Variants in ZNF831 observed in about 807,000 individuals in gnomAD.
The protein encoded by ZNF831 is chromosome 20 open reading frame 174.
Under a neutral mutation model 95.8 loss-of-function variants are expected in ZNF831, and 59 were observed. That is an observed-to-expected ratio of 0.62 (90% CI 0.50 to 0.77). The LOEUF (loss-of-function observed/expected upper bound fraction) is 0.77. Ranked by LOEUF, ZNF831 falls within the 30% of genes least tolerant of loss-of-function variation. ZNF831 has a pLI of 0.00. For synonymous variants in ZNF831, 961 were observed against 925.5 expected (o/e 1.04, Z -0.70); for missense variants, 2,205 against 2,164.0 (o/e 1.02, Z -0.38).
chr20:59,248,055 C>T (rs1987706915), intron 4 of ZNF831, among the ~76,000 whole-genome samples: 1 of 152,232 alleles, frequency 6.6e-6, no homozygotes, highest in Non-Finnish European at 1.5e-5. Flanking sequence ...GCCTCTTCCT[C>T]TAAATGCAGT....
intron 1 of ZNF831, among the ~76,000 whole-genome samples, chr20:59,131,767 G>A (rs2093112372): frequency 6.6e-6 from 1 of 152,214 alleles, no homozygotes; most frequent in Admixed American, 6.5e-5. Context: ...GCATGGCAGG[G>A]ACCGCCTTGT....
At chr20:59,223,377 A>G (rs1986223931) in intron 4 of ZNF831, among the ~76,000 whole-genome samples, 1 of 152,204 alleles carries the variant, frequency 6.6e-6, no homozygotes, top group Non-Finnish European at 1.5e-5. Flanking sequence ...TCCAGCTTGC[A>G]GACACACTGG....
At position 59,192,487 on chromosome 20, in the gene ZNF831, A is replaced by T. The variant is rs750933267; in HGVS notation, c.1468A>T (p.Thr490Ser). ...GCCCCTCTTCTTCCACTCCGTCCCCACTCAGCTCTCCACCACCGTGGAATG... is the reference window on the plus strand; with the variant it reads ...GCCCCTCTTCTTCCACTCCGTCCCCTCTCAGCTCTCCACCACCGTGGAATG... ...SRPLFFHSVP[T>S]QLSTTVECVP... The change falls in exon 2 of 6, where the codon ACT becomes TCT. Residue 490 changes from threonine (T) to serine (S), a missense_variant. Coordinates refer to ENST00000371030, the MANE Select transcript of ZNF831 (RefSeq NM_178457.3). This position sits in a 1 kb window ranked among gnomAD's most constrained non-coding sequence, Gnocchi z 5.2. The T allele has an allele frequency of 6.4e-7, 1 of 1,573,346 alleles. No homozygotes were observed. Among genetic ancestry groups the T allele is most frequent in the Non-Finnish European group, 8.6e-7 (1 of 1,161,158 alleles).
intron 4 of ZNF831, among the ~76,000 whole-genome samples, chr20:59,243,905 A>G (rs1033508705): frequency 2.0e-5 from 3 of 152,198 alleles, no homozygotes; most frequent in East Asian, 3.8e-4. Flanking sequence ...TCCTGATTCA[A>G]TTTTGGCACT....
chr20:59,246,711 A>G lies in ZNF831; in HGVS notation c.4028-6267A>G, dbSNP rs115669624. Among the ~76,000 whole-genome samples, 1,270 of 152,332 alleles carry G rather than the reference A, an allele frequency of 8.3e-3. 17 individuals carry two copies. Among genetic ancestry groups the G allele is most frequent in the African/African-American group, 0.029 (1,209 of 41,568 alleles). ...ATTGCCTTTCATCAGAGAAATAGAA[A>G]AGAGATGAAAATTACTAAGAAAAAT... is the stretch of plus-strand genomic sequence containing the variant. On this transcript the variant is annotated intron_variant, in intron 4 of 5. Transcript: ENST00000371030.
intron 4 of ZNF831, among the ~76,000 whole-genome samples, chr20:59,222,308 G>A (rs949716089): frequency 6.6e-6 from 1 of 152,122 alleles, no homozygotes; most frequent in African/African-American, 2.4e-5. Flanking sequence ...GGTGGGTGCG[G>A]ACCCCTGGCT....
intron 4 of ZNF831, among the ~76,000 whole-genome samples, chr20:59,233,390 A>G (rs1246732357): frequency 6.6e-6 from 1 of 152,096 alleles, no homozygotes; most frequent in African/African-American, 2.4e-5. Flanking sequence ...TGGGGGAAAA[A>G]ATCTGAGTAG....
At chr20:59,125,467 C>T (rs1045761040) in intron 1 of ZNF831, among the ~76,000 whole-genome samples, 3 of 152,162 alleles carry the variant, frequency 2.0e-5, no homozygotes, top group Non-Finnish European at 4.4e-5. Flanking sequence ...CAGCATCACC[C>T]TCTGTTCCTT....
rs35635821 is a variant in ZNF831, at chr20:59,148,679, C to CAAA, written c.-1281+2348_-1281+2350dup. Among the ~76,000 whole-genome samples the CAAA allele has an allele frequency of 1.7e-3, 27 of 16,212 alleles. 4 individuals carry two copies. Among genetic ancestry groups the CAAA allele is most frequent in the South Asian group, 3.1e-3 (1 of 322 alleles). The allele number at this position is 16,212 out of a possible 152,430, so 10.6% of individuals were successfully genotyped here. A position where few individuals can be genotyped will look rare whatever the true frequency, so the allele number is the denominator to read the frequency against. ...TGGGCGACAGAGCGAAACTCCGTCT[C>CAAA]AAAAAAAAAAAAAAAAAAAAAAAAA... is the stretch of plus-strand genomic sequence containing the variant. On this transcript the variant is annotated intron_variant, in intron 2 of 7. Transcript: ENST00000637017.
At chr20:59,187,938 C>T (rs766994563) in intron 1 of ZNF831, among the ~76,000 whole-genome samples, 14 of 152,206 alleles carry the variant, frequency 9.2e-5, no homozygotes, top group African/African-American at 3.1e-4. Context: ...TGCAGCATGA[C>T]GTTTTCAAGG....
At position 59,195,962 on chromosome 20, in the gene ZNF831, C is replaced by A. The variant is rs776539508; in HGVS notation, c.3832C>A (p.Arg1278Ser). The A allele has an allele frequency of 3.1e-6, 5 of 1,614,108 alleles. No individual in the cohort carries two copies. The South Asian group carries it at 5.5e-5, about 18-fold the overall frequency. The part of the protein sequence containing the change: ...KGLPWRAKMS[R>S]GNSKQRKLKI... ...CCTGCCTTGGAGGGCAAAGATGTCT[C>A]GTGGGAACAGCAAGCAGAGAAAACT... is the stretch of plus-strand genomic sequence containing the variant. Residue 1278 changes from arginine to serine, a missense_variant, in exon 3 of 6, where the codon CGT (arginine) becomes AGT (serine). By Grantham distance (110) the Arg-to-Ser change is moderately radical. Transcript: ENST00000371030.
At chr20:59,233,037 C>T (rs1424953544) in intron 4 of ZNF831, among the ~76,000 whole-genome samples, 2 of 133,280 alleles carry the variant, frequency 1.5e-5, no homozygotes, top group Non-Finnish European at 3.1e-5. Context: ...CACACACACA[C>T]ACACACATAG....
Position 59,194,653 on chromosome 20 carries a change from C to T in ZNF831, c.3634C>T (p.Pro1212Ser), listed in dbSNP as rs2146603149. ...ATCTGTGTACTTGGCGGTGCACTTTCCTGGTAGCAGCCTCCGAGATGAGGG... is the reference window on the plus strand; with the variant it reads ...ATCTGTGTACTTGGCGGTGCACTTTTCTGGTAGCAGCCTCCGAGATGAGGG... The part of the protein sequence containing the change: ...AASVYLAVHF[P>S]GSSLRDEGPN... Residue 1212 changes from proline (P) to serine (S), a missense_variant, in exon 2 of 6, where the codon CCT (proline) becomes TCT (serine). Physicochemically the swap from Pro to Ser is moderately conservative, Grantham distance 74 (BLOSUM62 -1). Transcript: ENST00000371030. 1 of 1,613,510 alleles carries T rather than the reference C, an allele frequency of 6.2e-7. No homozygotes were observed. The highest frequency in any genetic ancestry group is 8.5e-7 in the Non-Finnish European group (1 of 1,179,860).
chr20:59,218,413 G>C (rs1481378241), intron 4 of ZNF831, among the ~76,000 whole-genome samples: 1 of 152,224 alleles, frequency 6.6e-6, no homozygotes, highest in Non-Finnish European at 1.5e-5. Flanking sequence ...GTGAGGAAAA[G>C]AGGCTTGATT....
chr20:59,216,154 C>T (rs143381151), intron 4 of ZNF831, among the ~76,000 whole-genome samples: 118 of 152,346 alleles, frequency 7.7e-4, no homozygotes, highest in African/African-American at 2.8e-3. Context: ...CTGGGCCCCT[C>T]TCTTGGAGAG....
intron 2 of ZNF831, among the ~76,000 whole-genome samples, chr20:59,157,944 A>G (rs1052572610): frequency 2.0e-5 from 3 of 152,202 alleles, no homozygotes; most frequent in Non-Finnish European, 4.4e-5. Context: ...TGTAGCTGAA[A>G]TATAAACATT....
chr20:59,252,846 T>C, intron 4 of ZNF831, 132 bp from the exon 5 acceptor site: 2 of 899,550 alleles, frequency 2.2e-6, no homozygotes, highest in Non-Finnish European at 3.2e-6. Context: ...AATTGAGTTC[T>C]TGCACACACC....
intron 1 of ZNF831, among the ~76,000 whole-genome samples, chr20:59,141,888 C>A (rs1568723222): frequency 6.6e-6 from 1 of 152,070 alleles, no homozygotes; most frequent in Non-Finnish European, 1.5e-5. Flanking sequence ...TGAAATGATC[C>A]CATGAACCCC....
Position 59,148,403 on chromosome 20 carries a change from C to T in ZNF831, c.-1281+2029C>T, listed in dbSNP as rs951835252. On this transcript the variant is annotated intron_variant, in intron 2 of 7. Transcript: ENST00000637017. ...TGAAGATGGGTTAGAACAGAGCGGC[C>T]GGGCGCGGTGGCTCACGCCTGTAAT... Among the ~76,000 whole-genome samples, 24 of 117,072 alleles carry T rather than the reference C, an allele frequency of 2.1e-4. 2 individuals carry two copies. The highest frequency in any genetic ancestry group is 3.8e-4 in the Admixed American group (5 of 13,144). 76.8% of individuals were successfully genotyped at this position (117,072 alleles called of 152,430 possible). A position where few individuals can be genotyped will look rare whatever the true frequency, so the allele number is the denominator to read the frequency against.
Sources: allele counts gnomAD v4.1 joint callset (sites outside exome capture counted in the v4.1 genomes callset), GRCh38; gene constraint gnomAD v4.1.1; non-coding constraint Gnocchi (gnomAD v3.1); transcripts MANE v1.5; gene names NCBI Gene and HGNC (gene_info 2026-07-23, HGNC 2026-07-21).